FRS2: variants seen among roughly 807,000 people sequenced by gnomAD.
FRS2 encodes the protein fibroblast growth factor receptor substrate 2.
FRS2 carries 8 observed loss-of-function variants against 43.9 expected under a neutral mutation model. The ratio of observed to expected loss-of-function variants is 0.18; its 90% confidence interval spans 0.11 to 0.33. FRS2 has a LOEUF of 0.33. Ranked by LOEUF, FRS2 falls within the 10% of genes least tolerant of loss-of-function variation. The pLI is 1.00. For missense variants in FRS2, 534 were observed against 627.6 expected, an observed-to-expected ratio of 0.85 and a Z score of 1.59; for synonymous variants, 219 against 220.3, an observed-to-expected ratio of 0.99 and a Z score of 0.05.
chr12:69,485,134 C>CACACACATAT (rs1194988609), intron 1 of FRS2, among the ~76,000 whole-genome samples: 3 of 134,272 alleles, frequency 2.2e-5, no homozygotes, highest in African/African-American at 5.9e-5. Flanking sequence ...CACACACACA[C>CACACACATAT]ACTCTCACCC....
At chr12:69,481,207 AG>A (rs1300777064) in intron 1 of FRS2, among the ~76,000 whole-genome samples, 3 of 152,006 alleles carry the variant, frequency 2.0e-5, no homozygotes, top group African/African-American at 7.3e-5. Context: ...CTTTTACCTC[AG>A]GGTGTATTTC....
intron 1 of FRS2, among the ~76,000 whole-genome samples, chr12:69,498,323 G>A (rs2121049587): frequency 6.6e-6 from 1 of 152,258 alleles, no homozygotes; most frequent in South Asian, 2.1e-4. Flanking sequence ...TCCTCAGACT[G>A]CTAATAGTCT....
At chr12:69,502,154 C>T (rs867745621) in intron 1 of FRS2, among the ~76,000 whole-genome samples, 8 of 151,908 alleles carry the variant, frequency 5.3e-5, no homozygotes, top group South Asian at 2.1e-4. Context: ...TTAGTGGAGA[C>T]GGGGTTTTAC....
At chr12:69,568,514 C>CCTGG (rs1880478631) in intron 4 of FRS2, among the ~76,000 whole-genome samples, 1 of 150,660 alleles carries the variant, frequency 6.6e-6, no homozygotes, top group African/African-American at 2.4e-5. Context: ...ATAATGTCTG[C>CCTGG]CTGCCTGCCT....
At chr12:69,514,321 A>G (rs1208913650) in intron 1 of FRS2, among the ~76,000 whole-genome samples, 1 of 152,164 alleles carries the variant, frequency 6.6e-6, no homozygotes, top group Non-Finnish European at 1.5e-5. Context: ...AACCTGTCCC[A>G]GCAACACTGC....
At chr12:69,493,007 T>G (rs221098) in intron 1 of FRS2, among the ~76,000 whole-genome samples, 14,229 of 152,216 alleles carry the variant, frequency 0.093, 879 homozygotes, top group Non-Finnish European at 0.14. Context: ...AGAGGAATAG[T>G]GTTGGCAAAT....
chr12:69,491,423 A>G (rs1378753038), intron 1 of FRS2: 1 of 151,546 alleles, frequency 6.6e-6, no homozygotes, highest in East Asian at 1.9e-4. Context: ...ATGGCTGTAT[A>G]GTATCCATCA....
At chr12:69,517,525 A>T (rs1273996642) in intron 1 of FRS2, among the ~76,000 whole-genome samples, 2 of 151,798 alleles carry the variant, frequency 1.3e-5, no homozygotes, top group Non-Finnish European at 2.9e-5. Flanking sequence ...AATCATCTAG[A>T]TAAGAAATGG....
chr12:69,497,424 T>C (rs1029790649), intron 1 of FRS2, among the ~76,000 whole-genome samples: 2 of 152,224 alleles, frequency 1.3e-5, no homozygotes, highest in Non-Finnish European at 2.9e-5. Flanking sequence ...TACTGTCTGC[T>C]TCATAGATGG....
rs143704062 is a variant in FRS2 at position 69,565,191 on chromosome 12, C to G, written c.-27+2917C>G. 6.3e-3 allele frequency among the ~76,000 whole-genome samples: 954 copies of G among 152,270 alleles called. 10 individuals carry two copies. The highest frequency in any genetic ancestry group is 0.022 in the African/African-American group (903 of 41,534). On this transcript the variant is annotated intron_variant, in intron 4 of 8. Transcript: ENST00000549921. Reference sequence around the variant, plus strand: ...GCAGTTGTAACACAATGGTAAGTATCTGCATTTCTAAACATAGAAAAGGTA... The same window carrying G: ...GCAGTTGTAACACAATGGTAAGTATGTGCATTTCTAAACATAGAAAAGGTA...
At chr12:69,556,930 A>C (rs953574937) in intron 3 of FRS2, among the ~76,000 whole-genome samples, 1 of 152,234 alleles carries the variant, frequency 6.6e-6, no homozygotes, top group Non-Finnish European at 1.5e-5. Flanking sequence ...ACAGTTGCTC[A>C]GTTTAGTAAA....
At chr12:69,550,922 A>G (rs554944178) in intron 3 of FRS2, among the ~76,000 whole-genome samples, 1 of 152,350 alleles carries the variant, frequency 6.6e-6, no homozygotes, top group East Asian at 1.9e-4. Context: ...AAGATTATTT[A>G]AAGTACACAG....
Position 69,574,682 on chromosome 12 carries a change from A to G in FRS2, c.1254A>G (p.Thr418=), listed in dbSNP as rs758123047. 3 of 1,614,078 alleles carry G rather than the reference A, an allele frequency of 1.9e-6. No homozygotes were observed. Among genetic ancestry groups the G allele is most frequent in the Admixed American group, 1.7e-5 (1 of 60,002 alleles). The part of the protein sequence containing the change: ...EYSRRRDCTP[T]VFNFDIRRPS... ...CAAGGCGTCGGGACTGTACACCAAC[A>G]GTCTTTAACTTTGATATCAGACGCC... is the stretch of plus-strand genomic sequence containing the variant. Residue 418 remains threonine, a synonymous_variant, in exon 9 of 9, where the codon ACA becomes ACG. Coordinates refer to ENST00000549921, the MANE Select transcript of FRS2 (RefSeq NM_001278356.2).
At position 69,574,751 on chromosome 12, in the gene FRS2, G is replaced by A; in HGVS notation, c.1323G>A (p.Leu441=). 1 of 1,614,158 alleles carries A rather than the reference G, an allele frequency of 6.2e-7. No individual in the cohort carries two copies. The highest frequency in any genetic ancestry group is 8.5e-7 in the Non-Finnish European group (1 of 1,180,024). ...HRQLNYIQVD[L]EGGSDSDNPQ... The stretch of plus-strand genomic sequence containing the variant: ...AGCTTAATTACATACAGGTTGACTT[G>A]GAAGGTGGCAGTGACTCTGACAACC... The change falls in exon 9 of 9, where the codon TTG becomes TTA. Residue 441 remains leucine (L), a synonymous_variant. Transcript: ENST00000549921.
At chr12:69,496,586 C>G (rs1473725062) in intron 1 of FRS2, among the ~76,000 whole-genome samples, 1 of 152,198 alleles carries the variant, frequency 6.6e-6, no homozygotes, top group Admixed American at 6.5e-5. Context: ...AGAGCTCTTA[C>G]AGGCTTCAGA....
chr12:69,502,032 C>A (rs1873498672), intron 1 of FRS2, among the ~76,000 whole-genome samples: 1 of 151,798 alleles, frequency 6.6e-6, no homozygotes, highest in African/African-American at 2.4e-5. Flanking sequence ...GTGGTATGAT[C>A]TCGGCTCACT....
At chr12:69,531,501 A>T (rs1157734378) in intron 2 of FRS2, among the ~76,000 whole-genome samples, 1 of 152,140 alleles carries the variant, frequency 6.6e-6, no homozygotes, top group Admixed American at 6.5e-5. Flanking sequence ...TTTGTTTCGT[A>T]TGTTTCTTCC....
chr12:69,471,282 T>G (rs902152240), intron 1 of FRS2, among the ~76,000 whole-genome samples: 2 of 151,736 alleles, frequency 1.3e-5, no homozygotes, highest in African/African-American at 4.8e-5. Flanking sequence ...AAAAAGATGC[T>G]TTTCTCTAAT....
At chr12:69,479,587 G>A (rs1227177461) in intron 1 of FRS2, among the ~76,000 whole-genome samples, 1 of 151,622 alleles carries the variant, frequency 6.6e-6, no homozygotes, top group Non-Finnish European at 1.5e-5. Context: ...CAGTAGAGAT[G>A]GGGTTTCACT....
Sources: allele counts gnomAD v4.1 joint callset (sites outside exome capture counted in the v4.1 genomes callset), GRCh38; gene constraint gnomAD v4.1.1; transcripts MANE v1.5; gene names NCBI Gene and HGNC (gene_info 2026-07-23, HGNC 2026-07-21).